Variants in NEURL1 observed in about 807,000 individuals in gnomAD.
NEURL1 encodes the protein E3 ubiquitin-protein ligase NEURL1.
NEURL1 carries 26 observed loss-of-function variants against 41.2 expected under a neutral mutation model. The ratio of observed to expected loss-of-function variants is 0.63; its 90% CI spans 0.46 to 0.87. The LOEUF (loss-of-function observed/expected upper bound fraction) is 0.87, where lower values mean the gene tolerates loss of function less well. NEURL1 is among the 40% of genes least tolerant of loss of function. NEURL1 has a pLI of 0.00. For missense variants in NEURL1, 761 were observed against 871.1 expected (o/e 0.87, Z 1.59); for synonymous variants, 400 against 402.3 (o/e 0.99, Z 0.07).
chr10:103,525,420 C>T (rs1482976925), intron 1 of NEURL1, among the ~76,000 whole-genome samples: 2 of 150,840 alleles, frequency 1.3e-5, no homozygotes, highest in Non-Finnish European at 2.9e-5. Context: ...GTGGCATCAC[C>T]TCGGCCCACT....
At chr10:103,496,292 A>C (rs1203201355) in intron 1 of NEURL1, among the ~76,000 whole-genome samples, 1 of 152,218 alleles carries the variant, frequency 6.6e-6, no homozygotes, top group Non-Finnish European at 1.5e-5. Flanking sequence ...TTCTTGGTAG[A>C]GTACTATGCA....
chr10:103,518,089 C>T (rs112172414), intron 1 of NEURL1, among the ~76,000 whole-genome samples: 2 of 152,184 alleles, frequency 1.3e-5, no homozygotes, highest in African/African-American at 4.8e-5. Flanking sequence ...TTGCCAAGAG[C>T]CATGGACTGG....
intron 1 of NEURL1, among the ~76,000 whole-genome samples, chr10:103,544,446 T>A (rs2034886436): frequency 6.6e-6 from 1 of 151,800 alleles, no homozygotes. Flanking sequence ...CTTGATTGCC[T>A]CCCCCCAAAT....
At chr10:103,560,026 C>CA in intron 1 of NEURL1, among the ~76,000 whole-genome samples, 1 of 152,174 alleles carries the variant, frequency 6.6e-6, no homozygotes, top group African/African-American at 2.4e-5. Context: ...CACATACACA[C>CA]AAGTGCACAC....
chr10:103,516,220 C>G (rs1286157627), intron 1 of NEURL1, among the ~76,000 whole-genome samples: 1 of 119,508 alleles, frequency 8.4e-6, no homozygotes, highest in East Asian at 2.5e-4. Context: ...AGAGTGAGAC[C>G]CCATCTCAAA....
chr10:103,527,103 A>T (rs1226479894), intron 1 of NEURL1, among the ~76,000 whole-genome samples: 1 of 152,092 alleles, frequency 6.6e-6, no homozygotes, highest in Non-Finnish European at 1.5e-5. Context: ...GGGGCAGACA[A>T]TGCCTGGAAC....
chr10:103,496,470 G>T (rs2033687918), intron 1 of NEURL1, among the ~76,000 whole-genome samples: 1 of 152,188 alleles, frequency 6.6e-6, no homozygotes, highest in Admixed American at 6.5e-5. Flanking sequence ...TGCTTGTAAA[G>T]TTTCCAAAGG....
chr10:103,503,068 G>A (rs1368277476), intron 1 of NEURL1, among the ~76,000 whole-genome samples: 3 of 152,262 alleles, frequency 2.0e-5, no homozygotes, highest in African/African-American at 7.2e-5. Context: ...AGGAGGGCCA[G>A]CTTCCCAAAT....
At chr10:103,532,983 G>A (rs2133860071) in intron 1 of NEURL1, among the ~76,000 whole-genome samples, 1 of 121,642 alleles carries the variant, frequency 8.2e-6, no homozygotes, top group Middle Eastern at 8.6e-3. Context: ...CTGGAGTGCA[G>A]TGGCGTGATC....
chr10:103,536,566 A>G (rs996681669), intron 1 of NEURL1, among the ~76,000 whole-genome samples: 9 of 151,948 alleles, frequency 5.9e-5, no homozygotes, highest in Non-Finnish European at 8.8e-5. Flanking sequence ...CTACCTATCT[A>G]TCTATCTATA....
intron 2 of NEURL1, 151 bp downstream of exon 2, chr10:103,571,264 TC>T: frequency 1.1e-6 from 1 of 920,852 alleles, no homozygotes; most frequent in Non-Finnish European, 1.6e-6. Context: ...GTGACCCTCT[TC>T]CCTCTTCCTT....
At position 103,494,042 on chromosome 10, in the gene NEURL1, C is replaced by A; in HGVS notation, c.-346C>A. 1 of 207,472 alleles carries A rather than the reference C, an allele frequency of 4.8e-6. No individual in the cohort carries two copies. Among genetic ancestry groups the A allele is most frequent in the Non-Finnish European group, 9.5e-6 (1 of 105,212 alleles). 12.9% of individuals were successfully genotyped at this position (207,472 alleles called of 1,614,324 possible). On this transcript the variant is annotated 5_prime_UTR_variant, in exon 1 of 6. Coordinates refer to ENST00000369780, the MANE Select transcript of NEURL1 (RefSeq NM_004210.5). ...GGGGAGCGCGCCGGAGCCGCCGCGC[C>A]GCCCACCCCCAGCCGGAACCCTAGC...
intron 3 of NEURL1, among the ~76,000 whole-genome samples, chr10:103,576,422 G>A (rs867731158): frequency 2.6e-5 from 4 of 152,318 alleles, no homozygotes; most frequent in Middle Eastern, 3.4e-3. Context: ...GTGGAGGTGA[G>A]GGGTGTGCAC....
rs189606176 is a variant in NEURL1 at position 103,582,722 on chromosome 10, C to T, written c.650-1814C>T. On this transcript the variant is annotated intron_variant, in intron 3 of 5. Transcript: ENST00000369780. ...GCTTTGCTGTCATACCTGAGAACCC[C>T]AGCCATCCTTAACCCAGTTCCTGAA... Among the ~76,000 whole-genome samples, 592 of 152,366 alleles carry T rather than the reference C, an allele frequency of 3.9e-3. 2 individuals carry two copies. Among genetic ancestry groups the T allele is most frequent in the African/African-American group, 0.013 (550 of 41,580 alleles).
intron 1 of NEURL1, among the ~76,000 whole-genome samples, chr10:103,532,431 G>A (rs188793410): frequency 9.9e-5 from 15 of 152,206 alleles, no homozygotes; most frequent in Admixed American, 9.8e-4. Flanking sequence ...GGATTCCATT[G>A]AGCATTTCTT....
intron 3 of NEURL1, among the ~76,000 whole-genome samples, chr10:103,574,579 A>G (rs1037902746): frequency 6.6e-6 from 1 of 152,186 alleles, no homozygotes; most frequent in Non-Finnish European, 1.5e-5. Flanking sequence ...GTGGGGGAGG[A>G]TGGAGGCCAG....
At chr10:103,565,578 G>A (rs1318607158) in intron 1 of NEURL1, among the ~76,000 whole-genome samples, 2 of 152,234 alleles carry the variant, frequency 1.3e-5, no homozygotes, top group Admixed American at 1.3e-4. Context: ...GGGTGCCGTG[G>A]TGGTGAGAAA....
intron 1 of NEURL1, among the ~76,000 whole-genome samples, chr10:103,522,743 A>T (rs1005998116): frequency 6.6e-6 from 1 of 152,188 alleles, no homozygotes; most frequent in Admixed American, 6.5e-5. Context: ...AAAACACACG[A>T]ATTTGCATTT....
intron 1 of NEURL1, among the ~76,000 whole-genome samples, chr10:103,516,350 A>G (rs1050095620): frequency 1.3e-5 from 2 of 151,360 alleles, no homozygotes; most frequent in African/African-American, 4.9e-5. Flanking sequence ...CCAGGTTTTC[A>G]GGTGACTGGG....
Sources: allele counts gnomAD v4.1 joint callset (sites outside exome capture counted in the v4.1 genomes callset), GRCh38; gene constraint gnomAD v4.1.1; transcripts MANE v1.5; gene names NCBI Gene and HGNC (gene_info 2026-07-23, HGNC 2026-07-21).